The following SNTG1 variants were observed in gnomAD, a reference collection of about 807,000 sequenced individuals.
SNTG1 encodes syntrophin gamma 1.
A neutral mutation model predicts 74.7 loss-of-function variants in SNTG1; 39 were observed. The ratio of observed to expected loss-of-function variants is 0.52; its 90% CI spans 0.40 to 0.68. SNTG1 has a LOEUF of 0.68. SNTG1 is among the 30% of genes least tolerant of loss of function. The probability of loss-of-function intolerance (pLI) is 0.00; values close to 1 mark genes in which losing one functional copy is unlikely to be tolerated. For missense variants in SNTG1, 685 were observed against 609.5 expected, an observed-to-expected ratio of 1.12 and a Z score of -1.30; for synonymous variants, 254 against 217.1, an observed-to-expected ratio of 1.17 and a Z score of -1.49.
At chr8:50,044,266 T>C (rs1818886414) in intron 1 of SNTG1, among the ~76,000 whole-genome samples, 1 of 152,212 alleles carries the variant, frequency 6.6e-6, no homozygotes, top group African/African-American at 2.4e-5. Flanking sequence ...TCACATTTTT[T>C]AACCAAGAAT....
In SNTG1 at chr8:50,692,211, G is replaced by A. The variant is rs190479776; in HGVS notation, c.1039-12389G>A. Among the ~76,000 whole-genome samples, 145 of 152,108 alleles carry A rather than the reference G, an allele frequency of 9.5e-4. 1 individual carries two copies. The highest frequency in any genetic ancestry group is 6.8e-3 in the Middle Eastern group (2 of 292). ...TGTTTTGAATTTCCTCCTGTAGCTC[G>A]GAGTAGTTTGATCATTTGAAGCCTT... is the stretch of plus-strand genomic sequence containing the variant. On this transcript the variant is annotated intron_variant, in intron 15 of 18. Coordinates refer to ENST00000642720, the MANE Select transcript of SNTG1 (RefSeq NM_018967.5).
intron 12 of SNTG1, among the ~76,000 whole-genome samples, chr8:50,579,507 C>T (rs1308377568): frequency 6.6e-6 from 1 of 152,134 alleles, no homozygotes; most frequent in Non-Finnish European, 1.5e-5. Context: ...TTCATGGCAG[C>T]CCCTCCCATC....
rs151140458 is a variant in SNTG1 at position 50,139,625 on chromosome 8, T to G, written c.-102-32936T>G. Among the ~76,000 whole-genome samples the G allele has an allele frequency of 2.0e-5, 3 of 152,324 alleles. No individual in the cohort carries two copies. The East Asian group carries it at 5.8e-4, about 29-fold the overall frequency. ...TAAAAGACTAGAAAGACACATCATTTGATGTGTTATAGTATGCCCTACTCT... is the reference window on the plus strand; with the variant it reads ...TAAAAGACTAGAAAGACACATCATTGGATGTGTTATAGTATGCCCTACTCT... On this transcript the variant is annotated intron_variant, in intron 1 of 18. Transcript: ENST00000642720.
intron 12 of SNTG1, among the ~76,000 whole-genome samples, chr8:50,573,168 A>G (rs1035618680): frequency 5.3e-5 from 8 of 152,144 alleles, no homozygotes; most frequent in Admixed American, 3.3e-4. Flanking sequence ...TTAAAGGAAG[A>G]TTTGAATTTG....
intron 15 of SNTG1, among the ~76,000 whole-genome samples, chr8:50,674,049 T>A (rs1312281983): frequency 6.6e-6 from 1 of 152,148 alleles, no homozygotes; most frequent in Non-Finnish European, 1.5e-5. Flanking sequence ...GTGGGTAAGT[T>A]TTTTGATGTG....
chr8:49,999,139 T>C (rs2130421970), intron 1 of SNTG1, among the ~76,000 whole-genome samples: 1 of 152,306 alleles, frequency 6.6e-6, no homozygotes, highest in East Asian at 1.9e-4. Context: ...TACATGTAGT[T>C]CAACGTAGAT....
chr8:50,760,022 A>G (rs2095593535), intron 18 of SNTG1, among the ~76,000 whole-genome samples: 1 of 152,052 alleles, frequency 6.6e-6, no homozygotes, highest in South Asian at 2.1e-4. Flanking sequence ...TATTCCCTCG[A>G]GCAGTGGTTT....
At chr8:50,153,039 C>G (rs1328158220) in intron 1 of SNTG1, among the ~76,000 whole-genome samples, 1 of 152,214 alleles carries the variant, frequency 6.6e-6, no homozygotes, top group Non-Finnish European at 1.5e-5. Context: ...CTTTCAGGTA[C>G]ACCAATCAGA....
chr8:50,707,236 A>C (rs2095446341), intron 16 of SNTG1, among the ~76,000 whole-genome samples: 1 of 152,110 alleles, frequency 6.6e-6, no homozygotes, highest in African/African-American at 2.4e-5. Flanking sequence ...ATTTATTTTC[A>C]CCTGACATTT....
intron 4 of SNTG1, among the ~76,000 whole-genome samples, chr8:50,410,129 G>T (rs78408466): frequency 0.047 from 7,128 of 152,294 alleles, 217 homozygotes; most frequent in Middle Eastern, 0.095. Flanking sequence ...TCACATGGGT[G>T]TGACATGATG....
At chr8:50,541,537 T>C (rs1045864476) in intron 11 of SNTG1, among the ~76,000 whole-genome samples, 64 of 152,234 alleles carry the variant, frequency 4.2e-4, no homozygotes, top group Admixed American at 3.7e-3. Flanking sequence ...CAATTTTTGA[T>C]GCATAATAGA....
intron 1 of SNTG1, among the ~76,000 whole-genome samples, chr8:49,915,659 T>C (rs1563342065): frequency 6.6e-6 from 1 of 152,174 alleles, no homozygotes; most frequent in African/African-American, 2.4e-5. Context: ...TTCTAGTTTA[T>C]AAAGGAGGAT....
At chr8:50,501,769 C>T (rs2093960106) in intron 8 of SNTG1, among the ~76,000 whole-genome samples, 1 of 151,828 alleles carries the variant, frequency 6.6e-6, no homozygotes, top group Non-Finnish European at 1.5e-5. Flanking sequence ...TCTGTGCCAT[C>T]TTGTCAGGGC....
At chr8:50,254,255 C>G (rs2086777409) in intron 2 of SNTG1, among the ~76,000 whole-genome samples, 1 of 152,092 alleles carries the variant, frequency 6.6e-6, no homozygotes, top group Non-Finnish European at 1.5e-5. Context: ...AACTCAAAGA[C>G]TATATTCTCG....
intron 2 of SNTG1, among the ~76,000 whole-genome samples, chr8:50,354,888 T>C (rs2091774192): frequency 6.6e-6 from 1 of 152,182 alleles, no homozygotes; most frequent in African/African-American, 2.4e-5. Flanking sequence ...GAAATAGGCA[T>C]ACAGAACTGT....
At chr8:50,158,239 G>GGAATTTTAGAAAATTCTT (rs1394983637) in intron 1 of SNTG1, among the ~76,000 whole-genome samples, 1 of 152,060 alleles carries the variant, frequency 6.6e-6, no homozygotes, top group African/African-American at 2.4e-5. Context: ...TCACATGGCT[G>GGAATTTTAGAAAATTCTT]GAATTTTAGA....
chr8:50,044,279 T>A (rs546844374), intron 1 of SNTG1, among the ~76,000 whole-genome samples: 68 of 152,310 alleles, frequency 4.5e-4, no homozygotes, highest in African/African-American at 1.5e-3. Context: ...CCAAGAATTA[T>A]CAGATAAGTA....
intron 12 of SNTG1, among the ~76,000 whole-genome samples, chr8:50,578,385 G>C (rs936592744): frequency 6.6e-6 from 1 of 150,970 alleles, no homozygotes; most frequent in Admixed American, 6.6e-5. Flanking sequence ...AAATAAAATA[G>C]ATTCTTGCTA....
intron 10 of SNTG1, among the ~76,000 whole-genome samples, chr8:50,533,817 C>T (rs1271384699): frequency 6.6e-6 from 1 of 151,960 alleles, no homozygotes; most frequent in Non-Finnish European, 1.5e-5. Flanking sequence ...ATCAAGATGC[C>T]ACAAGAAAGA....
Sources: allele counts gnomAD v4.1 joint callset (sites outside exome capture counted in the v4.1 genomes callset), GRCh38; gene constraint gnomAD v4.1.1; transcripts MANE v1.5; gene names NCBI Gene and HGNC (gene_info 2026-07-23, HGNC 2026-07-21).